Variants in CNKSR2 observed in about 807,000 individuals in gnomAD.
CNKSR2 encodes the protein CNK homolog protein 2.
CNKSR2 carries 14 observed loss-of-function variants against 84.4 expected under a neutral mutation model. The observed-to-expected ratio is 0.17, with a 90% CI of 0.11 to 0.26. CNKSR2 has a LOEUF of 0.26. CNKSR2 is among the 10% of genes least tolerant of loss of function. The probability of loss-of-function intolerance (pLI) is 1.00; values close to 1 mark genes in which losing one functional copy is unlikely to be tolerated. For missense variants in CNKSR2, 485 were observed against 771.2 expected, an observed-to-expected ratio of 0.63 and a Z score of 4.40; for synonymous variants, 275 against 277.9, an observed-to-expected ratio of 0.99 and a Z score of 0.10.
At chrX:21,375,029 G>A in intron 1 of CNKSR2, 68 bp downstream of exon 1, 1 of 927,228 alleles carries the variant, frequency 1.1e-6, no homozygotes, top group East Asian at 3.2e-5. Context: ...GTTAGGAGGG[G>A]GCGCCCGCCG....
At chrX:21,643,497 T>C (rs1399682990) in intron 20 of CNKSR2, 1 of 111,991 alleles carries the variant, frequency 8.9e-6, no homozygotes, top group Non-Finnish European at 1.9e-5. Flanking sequence ...AAGGAAGGAA[T>C]TGACAGACAC....
At chrX:21,528,891 A>T (rs2091859861) in intron 10 of CNKSR2, among the ~76,000 whole-genome samples, 1 of 111,093 alleles carries the variant, frequency 9.0e-6, no homozygotes, top group South Asian at 3.7e-4. Context: ...CCTTATATAA[A>T]TGTCTGCATT....
intron 8 of CNKSR2, among the ~76,000 whole-genome samples, chrX:21,508,147 G>A (rs1439079311): frequency 8.9e-6 from 1 of 111,806 alleles, no homozygotes; most frequent in Non-Finnish European, 1.9e-5. Flanking sequence ...GGGCAACATA[G>A]CGAGACCACG....
intron 6 of CNKSR2, chrX:21,493,633 C>A (rs2091464014): frequency 8.9e-6 from 1 of 111,832 alleles, no homozygotes; most frequent in African/African-American, 3.2e-5. Flanking sequence ...GAAAAAGAGT[C>A]ATTTGAATTA....
At chrX:21,607,065 AAC>A (rs2092521820) in intron 19 of CNKSR2, among the ~76,000 whole-genome samples, 186 bp downstream of exon 19, 1 of 112,013 alleles carries the variant, frequency 8.9e-6, no homozygotes, top group East Asian at 2.8e-4. Context: ...AAGCAGGAAA[AAC>A]AGTCATTACA....
intron 11 of CNKSR2, among the ~76,000 whole-genome samples, chrX:21,537,656 C>T (rs1458168213): frequency 9.0e-6 from 1 of 110,911 alleles, no homozygotes; most frequent in African/African-American, 3.3e-5. Context: ...TTTATTTTAT[C>T]TAAGTATACC....
At chrX:21,562,824 G>A (rs928923533) in intron 12 of CNKSR2, among the ~76,000 whole-genome samples, 14 of 110,795 alleles carry the variant, frequency 1.3e-4, no homozygotes, top group South Asian at 7.7e-4. Context: ...TGCATGCCAC[G>A]GGCCGGTGTT....
intron 5 of CNKSR2, among the ~76,000 whole-genome samples, chrX:21,475,057 C>A (rs928548628): frequency 1.4e-4 from 16 of 111,418 alleles, no homozygotes; most frequent in Non-Finnish European, 2.8e-4. Context: ...TGAATAGCAA[C>A]CCAAAATCTA....
chrX:21,413,524 ACT>A (rs1004703749), intron 1 of CNKSR2, among the ~76,000 whole-genome samples: 5 of 109,634 alleles, frequency 4.6e-5, no homozygotes, highest in Admixed American at 3.9e-4. Flanking sequence ...CGACTGAGTG[ACT>A]CTACTATTTG....
chrX:21,453,232 C>T (rs1714057903), intron 4 of CNKSR2, among the ~76,000 whole-genome samples: 1 of 111,584 alleles, frequency 9.0e-6, no homozygotes, highest in African/African-American at 3.3e-5. Context: ...TGCTCAGGCC[C>T]CTTCCTCAGA....
At chrX:21,535,769 G>T (rs1489529877) in intron 11 of CNKSR2, among the ~76,000 whole-genome samples, 1 of 110,825 alleles carries the variant, frequency 9.0e-6, no homozygotes, top group Non-Finnish European at 1.9e-5. Context: ...TTTTATTGTG[G>T]AGTCTTTAGG....
intron 20 of CNKSR2, among the ~76,000 whole-genome samples, chrX:21,625,575 TA>T (rs2092619824): frequency 8.9e-6 from 1 of 112,329 alleles, no homozygotes; most frequent in African/African-American, 3.2e-5. Flanking sequence ...TTACCTCATC[TA>T]CTCCTAACAT....
At chrX:21,621,425 T>A (rs1269218259) in intron 20 of CNKSR2, among the ~76,000 whole-genome samples, 1 of 111,622 alleles carries the variant, frequency 9.0e-6, no homozygotes, top group African/African-American at 3.3e-5. Flanking sequence ...GTTACAAAGT[T>A]TAGAATCTCA....
intron 20 of CNKSR2, among the ~76,000 whole-genome samples, chrX:21,646,219 C>T (rs1048215386): frequency 9.0e-6 from 1 of 111,098 alleles, no homozygotes; most frequent in African/African-American, 3.3e-5. Flanking sequence ...TTCTGTGTTC[C>T]GTCTCATTGT....
chrX:21,415,835 C>CATATAT (rs1258831030), intron 1 of CNKSR2, among the ~76,000 whole-genome samples: 110 of 8,684 alleles, frequency 0.013, no homozygotes, highest in Middle Eastern at 0.17. Context: ...TACATATATA[C>CATATAT]ACACACACAC....
intron 6 of CNKSR2, chrX:21,495,635 T>A (rs1440184407): frequency 9.5e-6 from 1 of 105,065 alleles, no homozygotes; most frequent in East Asian, 3.0e-4. Flanking sequence ...ATACAAAAAT[T>A]AGCTGGGCGT....
chrX:21,447,741 G>C (rs2090873714), intron 4 of CNKSR2, among the ~76,000 whole-genome samples: 1 of 111,887 alleles, frequency 8.9e-6, no homozygotes, highest in African/African-American at 3.2e-5. Flanking sequence ...TGTGTCTCCA[G>C]TGCCTGGCAA....
chrX:21,380,081 G>T (rs1034917531), intron 1 of CNKSR2, among the ~76,000 whole-genome samples: 2 of 110,985 alleles, frequency 1.8e-5, no homozygotes, highest in East Asian at 5.6e-4. Context: ...GCATGAGTAG[G>T]TGGCACAAAA....
chrX:21,614,072 G>A (rs1222886631), intron 20 of CNKSR2, among the ~76,000 whole-genome samples: 1 of 111,631 alleles, frequency 9.0e-6, no homozygotes. Flanking sequence ...TAGGAGCTGT[G>A]TAGAATATGC....
Sources: gnomAD v4.1 joint callset for allele counts (sites outside exome capture counted in the v4.1 genomes callset) on GRCh38, gnomAD v4.1.1 for gene constraint, MANE v1.5 for transcripts, NCBI Gene and HGNC (gene_info 2026-07-23, HGNC 2026-07-21) for gene names.